The following PCDHA2 variants were observed in gnomAD, a reference collection of about 807,000 sequenced individuals.
The protein encoded by PCDHA2 is protocadherin alpha 2.
Under a neutral mutation model 66.0 loss-of-function variants are expected in PCDHA2, and 58 were observed. That is an observed-to-expected ratio of 0.88 (90% CI 0.71 to 1.09). The LOEUF is 1.09. Ranked by LOEUF, PCDHA2 falls within the 50% of genes least tolerant of loss-of-function variation. PCDHA2 has a pLI of 0.00. For missense variants in PCDHA2, 1,267 were observed against 1,242.3 expected, an observed-to-expected ratio of 1.02 and a Z score of -0.30; for synonymous variants, 634 against 554.0, an observed-to-expected ratio of 1.14 and a Z score of -2.03.
In PCDHA2 at chr5:140,830,166, C is replaced by T. The variant is rs144102346; in HGVS notation, c.2388+32814C>T. Reference sequence around the variant, plus strand: ...GTGGGCGCCGCGGGCCCAGAGGCGGCGCTGGTGGATGTCAACGTGTACCTG... The same window carrying T: ...GTGGGCGCCGCGGGCCCAGAGGCGGTGCTGGTGGATGTCAACGTGTACCTG... On this transcript the variant is annotated intron_variant, in intron 1 of 3. Transcript: ENST00000526136. 1.9e-4 allele frequency: 303 copies of T among 1,613,518 alleles called. 1 individual carries two copies. The African/African-American group carries it at 3.5e-3, about 18-fold the overall frequency.
intron 1 of PCDHA2, among the ~76,000 whole-genome samples, chr5:140,912,772 A>T (rs897864498): frequency 1.3e-5 from 2 of 152,190 alleles, no homozygotes; most frequent in South Asian, 4.1e-4. Flanking sequence ...ACTTTGAGGT[A>T]TGTCCCTTCT....
intron 1 of PCDHA2, among the ~76,000 whole-genome samples, chr5:140,976,876 G>A (rs1166300025): frequency 6.6e-6 from 1 of 152,160 alleles, no homozygotes; most frequent in Non-Finnish European, 1.5e-5. Flanking sequence ...GACAAAGAAA[G>A]AATTAGGATA....
intron 1 of PCDHA2, among the ~76,000 whole-genome samples, chr5:140,820,457 C>T (rs2150107040): frequency 2.0e-5 from 3 of 151,924 alleles, no homozygotes; most frequent in Non-Finnish European, 2.9e-5. Context: ...TCCCTCTTGT[C>T]TTCACAGGTA....
intron 1 of PCDHA2, chr5:140,852,499 A>G: frequency 3.9e-6 from 1 of 258,480 alleles, no homozygotes; most frequent in Non-Finnish European, 6.5e-6. Context: ...GTTGGTCTCG[A>G]ACTCCTGACC....
rs782660322 is a variant in PCDHA2, at chr5:140,795,720, A to G, written c.756A>G (p.Leu252=). The change falls in exon 1 of 4, where the codon TTA becomes TTG. Residue 252 remains leucine (L), a synonymous_variant. Coordinates refer to ENST00000526136, the MANE Select transcript of PCDHA2 (RefSeq NM_018905.3). ...AATCAGTTTACAAAGTAAAATTGTT[A>G]GAGAATACGGCAAATGGGACCTTAG... ...FAQSVYKVKL[L]ENTANGTLVV... is the part of the protein sequence containing the mutation. The G allele has an allele frequency of 7.4e-6, 12 of 1,614,006 alleles. No homozygotes were observed. In the South Asian group the frequency reaches 9.9e-5, roughly 13 times the overall value.
intron 1 of PCDHA2, chr5:140,858,664 AATTT>A: frequency 1.4e-6 from 1 of 728,728 alleles, no homozygotes; most frequent in Non-Finnish European, 2.2e-6. Flanking sequence ...TTTAAATAAC[AATTT>A]ATTCTGAATA....
chr5:140,879,926 A>G (rs1214178444), intron 1 of PCDHA2, among the ~76,000 whole-genome samples: 7 of 152,170 alleles, frequency 4.6e-5, no homozygotes, highest in African/African-American at 1.4e-4. Flanking sequence ...TTACAAAGGT[A>G]CATGTGATTG....
intron 2 of PCDHA2, among the ~76,000 whole-genome samples, chr5:140,981,353 C>G (rs551731316): frequency 6.6e-6 from 1 of 152,048 alleles, no homozygotes; most frequent in East Asian, 1.9e-4. Context: ...GCAGGTGGAT[C>G]ACTTGAGGTC....
intron 1 of PCDHA2, chr5:140,929,563 G>A: frequency 2.1e-6 from 1 of 470,088 alleles, no homozygotes; most frequent in Non-Finnish European, 3.6e-6. Context: ...ACCTATTTAA[G>A]AACAATAAAA....
Position 141,009,957 on chromosome 5 carries a change from G to T in PCDHA2, c.*20G>T. ...CAGTGAGGTCCTCAAATGGAAACAA[G>T]CCACTTAGCCAGTTTTTGTAATAAT... On this transcript the variant is annotated 3_prime_UTR_variant, in exon 4 of 4. Coordinates refer to ENST00000526136, the MANE Select transcript of PCDHA2 (RefSeq NM_018905.3). 1 of 1,589,160 alleles carries T rather than the reference G, an allele frequency of 6.3e-7. No homozygotes were observed. Among genetic ancestry groups the T allele is most frequent in the Non-Finnish European group, 8.5e-7 (1 of 1,171,102 alleles).
chr5:141,007,084 AAG>A lies in PCDHA2; in HGVS notation c.2537-2538_2537-2537del, dbSNP rs576927752. On this transcript the variant is annotated intron_variant, in intron 3 of 3. Transcript: ENST00000526136. ...AGGAGAGAGTGAAGAGAAAATAGAG[AAG>A]AGAGTCTAGGGCCAAACCCAAGGAA... Among the ~76,000 whole-genome samples, 32 of 152,274 alleles carry A rather than the reference AAG, an allele frequency of 2.1e-4. No individual in the cohort carries two copies. The East Asian group carries it at 3.3e-3, about 16-fold the overall frequency.
chr5:140,928,161 C>G (rs155820), intron 1 of PCDHA2: 543,775 of 1,613,884 alleles, frequency 0.34, 93,301 homozygotes, highest in East Asian at 0.51. Flanking sequence ...GTGGCTCACC[C>G]CCACTTAGCA....
intron 1 of PCDHA2, chr5:140,822,789 A>G (rs1767433186): frequency 1.2e-6 from 2 of 1,614,044 alleles, no homozygotes; most frequent in Non-Finnish European, 8.5e-7. Context: ...TAGTAGTGAA[A>G]CTCCTGGATG....
chr5:140,892,578 T>G (rs2063581965), intron 1 of PCDHA2, among the ~76,000 whole-genome samples: 1 of 152,178 alleles, frequency 6.6e-6, no homozygotes, highest in Non-Finnish European at 1.5e-5. Context: ...AAAGTATATC[T>G]CAGTATTCAT....
intron 1 of PCDHA2, among the ~76,000 whole-genome samples, chr5:140,844,363 T>A (rs1464433937): frequency 6.7e-6 from 1 of 149,592 alleles, no homozygotes; most frequent in Non-Finnish European, 1.5e-5. Context: ...GGAAGAGATT[T>A]GTAATCCTTC....
At chr5:140,879,757 C>T (rs1312451493) in intron 1 of PCDHA2, among the ~76,000 whole-genome samples, 1 of 152,212 alleles carries the variant, frequency 6.6e-6, no homozygotes, top group African/African-American at 2.4e-5. Context: ...GCTATACTCT[C>T]TTTGGAGGCC....
intron 1 of PCDHA2, among the ~76,000 whole-genome samples, chr5:140,855,303 A>C (rs1045706471): frequency 6.7e-6 from 1 of 149,854 alleles, no homozygotes; most frequent in Admixed American, 6.7e-5. Context: ...CAAAGTTATA[A>C]AATTGGAACA....
chr5:140,855,900 C>G, intron 1 of PCDHA2: 1 of 1,079,358 alleles, frequency 9.3e-7, no homozygotes, highest in Non-Finnish European at 1.3e-6. Flanking sequence ...AGGCATCAGC[C>G]AGTTTCTCAA....
intron 1 of PCDHA2, among the ~76,000 whole-genome samples, chr5:140,923,489 A>G (rs549066009): frequency 2.2e-4 from 34 of 152,300 alleles, no homozygotes; most frequent in African/African-American, 7.5e-4. Context: ...TCTTCACACC[A>G]CTGCACTCCA....
Sources: allele counts gnomAD v4.1 joint callset (sites outside exome capture counted in the v4.1 genomes callset), GRCh38; gene constraint gnomAD v4.1.1; transcripts MANE v1.5; gene names NCBI Gene and HGNC (gene_info 2026-07-23, HGNC 2026-07-21).